Variants in RYR1 observed in about 807,000 individuals in gnomAD.
RYR1 encodes ryanodine receptor 1.
RYR1 carries 342 observed loss-of-function variants against 583.5 expected under a neutral mutation model. The ratio of observed to expected loss-of-function variants is 0.59; its 90% CI spans 0.54 to 0.64. The LOEUF is 0.64. RYR1 is among the 30% of genes least tolerant of loss of function. RYR1 has a pLI of 0.00. For missense variants in RYR1, 6,032 were observed against 6,917.2 expected, an observed-to-expected ratio of 0.87 and a Z score of 4.54; for synonymous variants, 2,791 against 2,822.5, an observed-to-expected ratio of 0.99 and a Z score of 0.35.
chr19:38,534,803 G>T lies in RYR1; in HGVS notation c.11343G>T (p.Met3781Ile). ...TRGAAEMVLQMISACKGETGA... is the reference protein window; with the variant it reads ...TRGAAEMVLQIISACKGETGA... ...GGGCGGCCGAGATGGTGCTGCAGATGATCAGTGCCTGCAAAGGTGCCCCTC... is the reference window on the plus strand; with the variant it reads ...GGGCGGCCGAGATGGTGCTGCAGATTATCAGTGCCTGCAAAGGTGCCCCTC... The change falls in exon 79 of 106, where the codon ATG becomes ATT. Residue 3781 changes from methionine to isoleucine, a missense_variant. Around this residue, in one of 11 missense-constraint regions of RYR1, gnomAD observed 1,493 missense variants for 1,715.5 expected, o/e 0.87. Coordinates refer to ENST00000359596, the MANE Select transcript of RYR1 (RefSeq NM_000540.3). 1.2e-6 allele frequency: 2 copies of T among 1,612,944 alleles called. No homozygotes were observed. The highest frequency in any genetic ancestry group is 2.2e-5 in the South Asian group (2 of 90,634).
chr19:38,562,828 C>T (rs367908274), intron 90 of RYR1, among the ~76,000 whole-genome samples: 1 of 152,186 alleles, frequency 6.6e-6, no homozygotes, highest in African/African-American at 2.4e-5. Context: ...CTTCCCATGC[C>T]GCCACGCCCT....
chr19:38,578,240 C>T (rs1432035842), intron 99 of RYR1, 36 bp downstream of exon 99: 1 of 1,606,654 alleles, frequency 6.2e-7, no homozygotes, highest in Non-Finnish European at 8.5e-7. Flanking sequence ...AGGGACTCTG[C>T]AGGGGTGGGG....
chr19:38,566,861 G>A, intron 91 of RYR1, 50 bp from the exon 92 acceptor site: 2 of 1,569,692 alleles, frequency 1.3e-6, no homozygotes, highest in African/African-American at 2.7e-5. Context: ...CAGGCAGCCT[G>A]AGAAGCGCTT....
In RYR1 at chr19:38,510,577, G is replaced by GCTTAGAAGCTGGAGGGCGCTGGGGACT; in HGVS notation, c.9000+14_9000+40dup. On this transcript the variant is annotated intron_variant, in intron 59 of 105. Coordinates refer to ENST00000359596, the MANE Select transcript of RYR1 (RefSeq NM_000540.3). ...AATTCTTTGCCAAGGTGAGAGGTGG[G>GCTTAGAAGCTGGAGGGCGCTGGGGACT]CTTAGAAGCTGGAGGGCGCTGGGGA... 1 of 1,614,158 alleles carries GCTTAGAAGCTGGAGGGCGCTGGGGACT rather than the reference G, an allele frequency of 6.2e-7. No individual in the cohort carries two copies. The highest frequency in any genetic ancestry group is 8.5e-7 in the Non-Finnish European group (1 of 1,180,040).
chr19:38,463,269 G>A (rs1477245452), intron 20 of RYR1, among the ~76,000 whole-genome samples, 154 bp from the exon 21 acceptor site: 1 of 151,492 alleles, frequency 6.6e-6, no homozygotes, highest in Admixed American at 6.6e-5. Context: ...CAACCCTGGA[G>A]TCAAGGCGAG....
intron 58 of RYR1, among the ~76,000 whole-genome samples, chr19:38,509,576 C>T (rs2960332): frequency 0.33 from 49,342 of 151,238 alleles, 8,590 homozygotes; most frequent in South Asian, 0.46. Context: ...CTCAGCCTCC[C>T]GAGTAGCTGG....
intron 31 of RYR1, among the ~76,000 whole-genome samples, chr19:38,482,075 GTGAGACGTCAT>G (rs1440890256): frequency 3.7e-4 from 56 of 152,238 alleles, no homozygotes; most frequent in African/African-American, 1.3e-3. Flanking sequence ...GGATGACAGA[GTGAGACGTCAT>G]CTCAAAAAAA....
At chr19:38,556,476 T>C (rs1972884293) in intron 89 of RYR1, among the ~76,000 whole-genome samples, 1 of 148,974 alleles carries the variant, frequency 6.7e-6, no homozygotes, top group South Asian at 2.2e-4. Context: ...AGCAAGACTC[T>C]GTTAAAAAAA....
rs953434363 is a variant in RYR1 at position 38,579,863 on chromosome 19, C to T, written c.14365-119C>T. On this transcript the variant is annotated intron_variant, in intron 99 of 105. Coordinates refer to ENST00000359596, the MANE Select transcript of RYR1 (RefSeq NM_000540.3). Reference sequence around the variant, plus strand: ...ATGCCCTGATCCTCCATGTACTCCCCAAACAGAGCTGGCACCCGACCCCCA... The same window carrying T: ...ATGCCCTGATCCTCCATGTACTCCCTAAACAGAGCTGGCACCCGACCCCCA... 54 of 1,344,556 alleles carry T rather than the reference C, an allele frequency of 4.0e-5. No individual in the cohort carries two copies. In the African/African-American group the frequency reaches 6.3e-4, roughly 16 times the overall value. 83.3% of individuals were successfully genotyped at this position (1,344,556 alleles called of 1,614,324 possible). A position where few individuals can be genotyped will look rare whatever the true frequency, so the allele number is the denominator to read the frequency against.
chr19:38,498,652 C>T (rs1969955419), intron 42 of RYR1, among the ~76,000 whole-genome samples: 1 of 152,192 alleles, frequency 6.6e-6, no homozygotes, highest in African/African-American at 2.4e-5. Flanking sequence ...GTGGATTATT[C>T]ATGCCTCCCC....
At chr19:38,459,612 A>G (rs955426878) in intron 19 of RYR1, among the ~76,000 whole-genome samples, 1 of 151,970 alleles carries the variant, frequency 6.6e-6, no homozygotes, top group African/African-American at 2.4e-5. Context: ...CAACAACCCA[A>G]GGTTCTTCCG....
rs772115917 is a variant in RYR1, at chr19:38,500,024, C to A, written c.7323+8C>A. 2 of 1,613,054 alleles carry A rather than the reference C, an allele frequency of 1.2e-6. No individual in the cohort carries two copies. The highest frequency in any genetic ancestry group is 2.2e-5 in the South Asian group (2 of 91,054). On this transcript the variant is annotated splice_region_variant and intron_variant, in intron 45 of 105. Transcript: ENST00000359596. This position sits in a 1 kb window ranked among gnomAD's most constrained non-coding sequence, Gnocchi z 5.9. ...TGTGCACCAGAGATGCATGTGAGAC[C>A]CTGAGCCAGGGCAGGATGGGAAGGG... is the stretch of plus-strand genomic sequence containing the variant.
In RYR1 at chr19:38,500,626, T is replaced by G. The variant is rs199813873; in HGVS notation, c.7344T>G (p.Gly2448=). Residue 2448 remains glycine, a synonymous_variant, in exon 46 of 106, where the codon GGT becomes GGG. Transcript: ENST00000359596. The surrounding 1 kb of genome is among the most constrained non-coding windows in gnomAD (Gnocchi z 5.9). ...PEMHLIQAGK[G]EALRIRAILR... Reference sequence around the variant, plus strand: ...CCCAGCTAATCCAAGCCGGCAAGGGTGAGGCCCTGCGGATCCGCGCCATCC... The same window carrying G: ...CCCAGCTAATCCAAGCCGGCAAGGGGGAGGCCCTGCGGATCCGCGCCATCC... The G allele has an allele frequency of 6.2e-7, 1 of 1,612,956 alleles. No individual in the cohort carries two copies. The highest frequency in any genetic ancestry group is 8.5e-7 in the Non-Finnish European group (1 of 1,179,970).
At chr19:38,510,815 G>A in intron 60 of RYR1, 34 bp downstream of exon 60, 1 of 1,613,478 alleles carries the variant, frequency 6.2e-7, no homozygotes, top group Non-Finnish European at 8.5e-7. Context: ...CCAGCCCCCT[G>A]ACCTCACAGG....
chr19:38,570,726 C>T (rs1973677971), intron 94 of RYR1, 33 bp downstream of exon 94: 2 of 1,550,346 alleles, frequency 1.3e-6, no homozygotes, highest in Non-Finnish European at 1.8e-6. Flanking sequence ...AGGGTCAGGC[C>T]CTTTTCCATG....
chr19:38,566,875 G>A (rs944245546), intron 91 of RYR1, 36 bp from the exon 92 acceptor site: 2 of 1,583,356 alleles, frequency 1.3e-6, no homozygotes, highest in Admixed American at 1.8e-5. Flanking sequence ...AGCGCTTAGG[G>A]TGAGGACTCA....
chr19:38,485,319 C>G (rs1244195918), intron 33 of RYR1, among the ~76,000 whole-genome samples: 2 of 152,164 alleles, frequency 1.3e-5, no homozygotes, highest in Admixed American at 1.3e-4. Context: ...CTCCACTGCC[C>G]TCACAGAACC....
Position 38,543,765 on chromosome 19 carries a change from T to C in RYR1, c.11908-6T>C. 1.9e-6 allele frequency: 3 copies of C among 1,612,626 alleles called. No homozygotes were observed. The highest frequency in any genetic ancestry group is 2.5e-6 in the Non-Finnish European group (3 of 1,179,982). ...CTTCCCCCCCACACGGCACTCTGCC[T>C]CCCAGGGTCCCTGCACCGGGAACCA... is the stretch of plus-strand genomic sequence containing the variant. On this transcript the variant is annotated splice_polypyrimidine_tract_variant and splice_region_variant and intron_variant, in intron 86 of 105. Transcript: ENST00000359596. The surrounding 1 kb of genome is among the most constrained non-coding windows in gnomAD (Gnocchi z 4.4).
chr19:38,443,487 A>T, intron 3 of RYR1, 71 bp from the exon 4 acceptor site: 1 of 1,400,294 alleles, frequency 7.1e-7, no homozygotes, highest in Non-Finnish European at 1.0e-6. Context: ...ACCTGTGACT[A>T]GGCCAGACCT....
Sources: allele counts gnomAD v4.1 joint callset (sites outside exome capture counted in the v4.1 genomes callset), GRCh38; gene constraint gnomAD v4.1.1; regional missense constraint gnomAD v4.1.1; non-coding constraint Gnocchi (gnomAD v3.1); transcripts MANE v1.5; gene names NCBI Gene and HGNC (gene_info 2026-07-23, HGNC 2026-07-21).